NRXN3: variants seen among roughly 807,000 people sequenced by gnomAD.
NRXN3 encodes the protein neurexin 3, also known as neurexin III.
NRXN3 carries 32 observed loss-of-function variants against 137.6 expected under a neutral mutation model. That is an observed-to-expected ratio of 0.23 (90% CI 0.18 to 0.31). The LOEUF (loss-of-function observed/expected upper bound fraction) is 0.31, where lower values mean the gene tolerates loss of function less well. Among genes scored for constraint, NRXN3 ranks in the 10% least tolerant of loss-of-function variants. The pLI is 1.00. For synonymous variants in NRXN3, 798 were observed against 784.5 expected, an observed-to-expected ratio of 1.02 and a Z score of -0.29; for missense variants, 1,574 against 2,062.5, an observed-to-expected ratio of 0.76 and a Z score of 4.59.
At chr14:79,431,752 A>G (rs969570167) in intron 15 of NRXN3, among the ~76,000 whole-genome samples, 2 of 152,136 alleles carry the variant, frequency 1.3e-5, no homozygotes, top group African/African-American at 4.8e-5. Flanking sequence ...AACCTGCCTT[A>G]CTGTTTCTTT....
At chr14:79,854,241 G>A (rs1467432122) in intron 20 of NRXN3, 12 of 627,350 alleles carry the variant, frequency 1.9e-5, no homozygotes, top group South Asian at 7.2e-5. Context: ...AAATTAATAT[G>A]GTATGCTTTT....
At chr14:79,786,909 T>C (rs577823266) in intron 19 of NRXN3, among the ~76,000 whole-genome samples, 5 of 152,312 alleles carry the variant, frequency 3.3e-5, no homozygotes, top group African/African-American at 1.2e-4. Context: ...AGAATTCCAC[T>C]TAAGGGTTTA....
chr14:78,703,983 G>C (rs1230232387), intron 6 of NRXN3: 1 of 152,238 alleles, frequency 6.6e-6, no homozygotes, highest in Non-Finnish European at 1.5e-5. Flanking sequence ...ATTCTTTCTA[G>C]TTCCCTTGCT....
At chr14:78,854,391 AT>A (rs993669150) in intron 10 of NRXN3, among the ~76,000 whole-genome samples, 1 of 151,852 alleles carries the variant, frequency 6.6e-6, no homozygotes, top group Non-Finnish European at 1.5e-5. Flanking sequence ...TTTTTTTTTA[AT>A]TGCACAAAAT....
intron 16 of NRXN3, among the ~76,000 whole-genome samples, chr14:79,577,902 C>T (rs1428751952): frequency 6.6e-6 from 1 of 152,150 alleles, no homozygotes; most frequent in South Asian, 2.1e-4. Flanking sequence ...AAAGTAATGT[C>T]CATCTTGCCT....
intron 16 of NRXN3, among the ~76,000 whole-genome samples, chr14:79,467,779 T>A (rs1168129446): frequency 6.6e-6 from 1 of 152,130 alleles, no homozygotes; most frequent in Non-Finnish European, 1.5e-5. Context: ...TAGGCTGGGA[T>A]TTGGCAAACC....
chr14:79,807,624 T>C (rs2099213267), intron 20 of NRXN3, among the ~76,000 whole-genome samples: 1 of 152,074 alleles, frequency 6.6e-6, no homozygotes. Flanking sequence ...TTGAATAACA[T>C]GGGGTGGGTG....
intron 15 of NRXN3, among the ~76,000 whole-genome samples, chr14:79,206,263 C>CACGTATTAA (rs1198985568): frequency 6.6e-6 from 1 of 152,124 alleles, no homozygotes; most frequent in Non-Finnish European, 1.5e-5. Flanking sequence ...AAAGGATTTG[C>CACGTATTAA]ACGTATTAAT....
At chr14:78,266,343 G>A (rs2071702690) in intron 2 of NRXN3, among the ~76,000 whole-genome samples, 1 of 151,936 alleles carries the variant, frequency 6.6e-6, no homozygotes, top group Non-Finnish European at 1.5e-5. Flanking sequence ...TCTGTCGCCA[G>A]GCTGGAGTGC....
chr14:78,819,681 C>G (rs1013096272), intron 10 of NRXN3, among the ~76,000 whole-genome samples: 2 of 152,130 alleles, frequency 1.3e-5, no homozygotes, highest in Non-Finnish European at 2.9e-5. Context: ...AATCCCTGAG[C>G]AGAACAAAGC....
At chr14:78,812,882 G>T (rs1376680408) in intron 10 of NRXN3, among the ~76,000 whole-genome samples, 1 of 152,128 alleles carries the variant, frequency 6.6e-6, no homozygotes, top group Non-Finnish European at 1.5e-5. Context: ...TAATATCAGA[G>T]AAATAATACA....
chr14:78,750,101 T>G (rs1339480669), intron 8 of NRXN3, among the ~76,000 whole-genome samples: 4 of 152,232 alleles, frequency 2.6e-5, no homozygotes, highest in Non-Finnish European at 5.9e-5. Flanking sequence ...TGAATCTAGC[T>G]TCCGCTAATA....
chr14:78,630,767 G>A (rs775235448), intron 4 of NRXN3, among the ~76,000 whole-genome samples: 30 of 152,018 alleles, frequency 2.0e-4, no homozygotes, highest in Non-Finnish European at 1.8e-4. Context: ...ACAACACCCA[G>A]CTACTTTTTC....
chr14:79,782,379 A>G (rs960834603), intron 19 of NRXN3, among the ~76,000 whole-genome samples: 4 of 152,184 alleles, frequency 2.6e-5, no homozygotes, highest in Admixed American at 6.5e-5. Context: ...GTCACAACTA[A>G]GAGTCTGACC....
At chr14:79,358,607 G>GAAAGATAA (rs10667477) in intron 15 of NRXN3, among the ~76,000 whole-genome samples, 27 of 79,944 alleles carry the variant, frequency 3.4e-4, no homozygotes, top group Admixed American at 6.3e-4. Context: ...AAGAAAGAAA[G>GAAAGATAA]AGAAAGAAAG....
At chr14:79,066,126 G>C (rs972906506) in intron 15 of NRXN3, among the ~76,000 whole-genome samples, 2 of 151,940 alleles carry the variant, frequency 1.3e-5, no homozygotes, top group Non-Finnish European at 2.9e-5. Context: ...TATAGTTTGG[G>C]ATTTTACATT....
chr14:78,282,360 A>C (rs1596740902), intron 3 of NRXN3: 5 of 324,294 alleles, frequency 1.5e-5, no homozygotes, highest in East Asian at 1.6e-4. Flanking sequence ...TGGGTGTGAG[A>C]CCCTTCTTCT....
chr14:79,858,309 G>A (rs726154), intron 20 of NRXN3, among the ~76,000 whole-genome samples: 55,502 of 151,810 alleles, frequency 0.37, 10,642 homozygotes, highest in Admixed American at 0.48. Context: ...AAAACAAACC[G>A]AAAAAACAAA....
At chr14:79,146,225 A>AT (rs2059287018) in intron 15 of NRXN3, among the ~76,000 whole-genome samples, 1 of 152,282 alleles carries the variant, frequency 6.6e-6, no homozygotes, top group Non-Finnish European at 1.5e-5. Flanking sequence ...TGAATAAGCA[A>AT]TAGATTCAAG....
Sources: allele counts gnomAD v4.1 joint callset (sites outside exome capture counted in the v4.1 genomes callset), GRCh38; gene constraint gnomAD v4.1.1; transcripts MANE v1.5; gene names NCBI Gene and HGNC (gene_info 2026-07-23, HGNC 2026-07-21).